IL1RAPL2: variants seen among roughly 807,000 people sequenced by gnomAD.
IL1RAPL2 encodes interleukin 1 receptor accessory protein like 2.
In IL1RAPL2, 3 loss-of-function variants were observed where a neutral mutation model predicts 44.1. That is an observed-to-expected ratio of 0.07 (90% CI 0.03 to 0.18). The LOEUF (loss-of-function observed/expected upper bound fraction) is 0.18, where lower values mean the gene tolerates loss of function less well. IL1RAPL2 is among the 10% of genes least tolerant of loss of function. The probability of loss-of-function intolerance (pLI) is 1.00; values close to 1 mark genes in which losing one functional copy is unlikely to be tolerated. For synonymous variants in IL1RAPL2, 181 were observed against 178.8 expected, an observed-to-expected ratio of 1.01 and a Z score of -0.10; for missense variants, 391 against 496.4, an observed-to-expected ratio of 0.79 and a Z score of 2.02.
chrX:105,729,602 C>G (rs186943758), intron 7 of IL1RAPL2, among the ~76,000 whole-genome samples: 2 of 110,269 alleles, frequency 1.8e-5, no homozygotes, highest in East Asian at 5.7e-4. Flanking sequence ...GTAGAAGTTT[C>G]TTAATCTGTA....
At chrX:104,937,806 C>A (rs1347837602) in intron 2 of IL1RAPL2, among the ~76,000 whole-genome samples, 1 of 112,595 alleles carries the variant, frequency 8.9e-6, no homozygotes. Flanking sequence ...ATCATTAATG[C>A]ATTTATACAT....
intron 6 of IL1RAPL2, among the ~76,000 whole-genome samples, chrX:105,496,602 G>C (rs181080537): frequency 8.9e-6 from 1 of 111,979 alleles, no homozygotes; most frequent in Non-Finnish European, 1.9e-5. Flanking sequence ...AGTATGATGA[G>C]TATAAGATAT....
intron 4 of IL1RAPL2, among the ~76,000 whole-genome samples, chrX:105,249,365 A>G (rs1432957649): frequency 9.0e-6 from 1 of 111,308 alleles, no homozygotes; most frequent in African/African-American, 3.3e-5. Flanking sequence ...GAGGGGTTGC[A>G]GAGAGGTGGG....
intron 6 of IL1RAPL2, among the ~76,000 whole-genome samples, chrX:105,689,509 C>T (rs1396739364): frequency 8.9e-6 from 1 of 112,102 alleles, no homozygotes; most frequent in Non-Finnish European, 1.9e-5. Flanking sequence ...AAATCAAAAC[C>T]ACAGTGAGGT....
At chrX:105,743,194 G>T (rs2038514589) in intron 8 of IL1RAPL2, among the ~76,000 whole-genome samples, 1 of 111,369 alleles carries the variant, frequency 9.0e-6, no homozygotes, top group African/African-American at 3.3e-5. Flanking sequence ...ATTTAAATAT[G>T]TAAGTAAGGT....
intron 6 of IL1RAPL2, among the ~76,000 whole-genome samples, chrX:105,515,503 C>G (rs185891939): frequency 5.4e-4 from 59 of 109,947 alleles, no homozygotes; most frequent in African/African-American, 1.9e-3. Context: ...GACATAGACA[C>G]TTAGACCTTA....
intron 1 of IL1RAPL2, among the ~76,000 whole-genome samples, chrX:104,613,382 T>C (rs763803589): frequency 8.9e-6 from 1 of 111,932 alleles, no homozygotes; most frequent in African/African-American, 3.2e-5. Flanking sequence ...TGAGTAGATG[T>C]TGAATTTTAT....
At chrX:104,967,864 C>T (rs958096111) in intron 2 of IL1RAPL2, among the ~76,000 whole-genome samples, 1 of 109,739 alleles carries the variant, frequency 9.1e-6, no homozygotes, top group African/African-American at 3.3e-5. Flanking sequence ...AATAGAAAAC[C>T]TTAGTAGACT....
At chrX:105,117,221 T>C (rs1488211944) in intron 2 of IL1RAPL2, among the ~76,000 whole-genome samples, 1 of 112,265 alleles carries the variant, frequency 8.9e-6, no homozygotes, top group Non-Finnish European at 1.9e-5. Context: ...TAGTCAAGAT[T>C]GGATTGTGCA....
intron 6 of IL1RAPL2, among the ~76,000 whole-genome samples, chrX:105,576,197 T>C (rs1038630516): frequency 1.8e-5 from 2 of 111,557 alleles, no homozygotes; most frequent in African/African-American, 3.3e-5. Flanking sequence ...TTTGTTGCAA[T>C]TGATTTTGGC....
intron 2 of IL1RAPL2, among the ~76,000 whole-genome samples, chrX:104,755,890 C>T (rs1252396776): frequency 1.8e-5 from 2 of 111,156 alleles, no homozygotes; most frequent in Non-Finnish European, 3.8e-5. Flanking sequence ...AGATAATATA[C>T]CAAAGATTTG....
At chrX:104,963,964 A>G (rs1455192163) in intron 2 of IL1RAPL2, among the ~76,000 whole-genome samples, 2 of 108,688 alleles carry the variant, frequency 1.8e-5, no homozygotes, top group African/African-American at 6.7e-5. Context: ...AGAGAGGGAG[A>G]TAGATTATGC....
intron 5 of IL1RAPL2, among the ~76,000 whole-genome samples, chrX:105,476,986 T>G (rs1323890567): frequency 8.9e-6 from 1 of 112,096 alleles, no homozygotes; most frequent in Non-Finnish European, 1.9e-5. Context: ...CATTCCACAT[T>G]TAGAGACAAT....
At chrX:104,644,438 A>C (rs938007741) in intron 1 of IL1RAPL2, among the ~76,000 whole-genome samples, 1 of 111,547 alleles carries the variant, frequency 9.0e-6, no homozygotes, top group South Asian at 3.7e-4. Context: ...ACCATAAAAC[A>C]CTTACCTGCA....
chrX:104,830,455 T>C (rs1160522700), intron 2 of IL1RAPL2, among the ~76,000 whole-genome samples: 2 of 111,807 alleles, frequency 1.8e-5, no homozygotes, highest in African/African-American at 6.5e-5. Flanking sequence ...TCAAGATATA[T>C]GTGTGTAATA....
chrX:104,925,521 T>C (rs1177556686), intron 2 of IL1RAPL2, among the ~76,000 whole-genome samples: 1 of 112,065 alleles, frequency 8.9e-6, no homozygotes, highest in Non-Finnish European at 1.9e-5. Flanking sequence ...CTAGGCTTTA[T>C]CCCTGGAATG....
chrX:104,963,586 C>A (rs186154719), intron 2 of IL1RAPL2, among the ~76,000 whole-genome samples: 29 of 111,334 alleles, frequency 2.6e-4, no homozygotes, highest in African/African-American at 7.8e-4. Context: ...GATTTCCATG[C>A]CCCAGACCCA....
rs758056498 is a variant in IL1RAPL2 at position 104,843,408 on chromosome X, G to C, written c.82+184413G>C. The stretch of plus-strand genomic sequence containing the variant: ...TGGCTTCAGCCCCCTTTCCAGGGGA[G>C]TGGATGGTTCTCCTGTCTCGCTGGA... On this transcript the variant is annotated intron_variant, in intron 2 of 10. Transcript: ENST00000372582. Among the ~76,000 whole-genome samples the C allele has an allele frequency of 2.0e-4, 22 of 111,079 alleles. No individual in the cohort carries two copies. In the South Asian group the frequency reaches 8.2e-3, roughly 41 times the overall value.
chrX:105,491,854 T>C (rs2036321673), intron 6 of IL1RAPL2, among the ~76,000 whole-genome samples: 1 of 111,893 alleles, frequency 8.9e-6, no homozygotes, highest in Non-Finnish European at 1.9e-5. Context: ...GCTGTGCTTG[T>C]TTTGAGATTT....
Sources: gnomAD v4.1 joint callset for allele counts (sites outside exome capture counted in the v4.1 genomes callset) on GRCh38, gnomAD v4.1.1 for gene constraint, MANE v1.5 for transcripts, NCBI Gene and HGNC (gene_info 2026-07-23, HGNC 2026-07-21) for gene names.